The following LRRC37A2 variants were observed in gnomAD, a reference collection of about 807,000 sequenced individuals.
LRRC37A2 encodes the protein leucine rich repeat containing 37 member A2, also known as leucine-rich repeat-containing protein 37A2.
In LRRC37A2, 9 loss-of-function variants were observed where a neutral mutation model predicts 68.8. That is an observed-to-expected ratio of 0.13 (90% confidence interval 0.08 to 0.23). LRRC37A2 has a LOEUF of 0.23. Among genes scored for constraint, LRRC37A2 ranks in the 10% least tolerant of loss-of-function variants. The probability of loss-of-function intolerance (pLI) is 1.00; values close to 1 mark genes in which losing one functional copy is unlikely to be tolerated. For synonymous variants in LRRC37A2, 63 were observed against 367.6 expected (o/e 0.17, Z 9.48); for missense variants, 168 against 950.4 (o/e 0.18, Z 10.82).
At chr17:46,740,036 A>G in the LRRC37A2 span, among the ~76,000 whole-genome samples, 17 of 152,310 alleles carry the variant, frequency 1.1e-4, no homozygotes, top group South Asian at 2.1e-4. Context: ...TCAAAGTTTC[A>G]TAGGCCCTGG....
the LRRC37A2 span, among the ~76,000 whole-genome samples, chr17:46,779,428 C>T: frequency 6.6e-6 from 1 of 152,144 alleles, no homozygotes; most frequent in Admixed American, 6.5e-5. Context: ...AGCTCCTGGC[C>T]CGGCCCTTCC....
the LRRC37A2 span, chr17:46,922,683 G>C: frequency 6.3e-6 from 1 of 159,074 alleles, no homozygotes; most frequent in African/African-American, 2.4e-5. Context: ...AAATAGGAAT[G>C]GGGGGTAGAT....
the LRRC37A2 span, among the ~76,000 whole-genome samples, chr17:46,473,853 G>A: frequency 2.9e-4 from 28 of 97,118 alleles, 6 homozygotes; most frequent in African/African-American, 7.9e-4. Context: ...CTAAGATTGC[G>A]TCATTGCACT....
chr17:46,872,790 G>T, the LRRC37A2 span: 5 of 1,533,290 alleles, frequency 3.3e-6, no homozygotes, highest in South Asian at 2.3e-5. Flanking sequence ...AGGAGGGCTA[G>T]GGGACGGGGA....
chr17:46,951,755 G>T, the LRRC37A2 span, among the ~76,000 whole-genome samples: 1 of 152,138 alleles, frequency 6.6e-6, no homozygotes, highest in Non-Finnish European at 1.5e-5. Flanking sequence ...ATTTTCTGGG[G>T]CCCAGGTACA....
At chr17:47,019,530 C>G in the LRRC37A2 span, 2,486 of 1,514,656 alleles carry the variant, frequency 1.6e-3, 8 homozygotes, top group Non-Finnish European at 1.8e-3. Flanking sequence ...TCCAGATCAG[C>G]TTCAGACTCT....
At chr17:46,773,813 G>A in the LRRC37A2 span, 6 of 1,613,542 alleles carry the variant, frequency 3.7e-6, no homozygotes, top group Non-Finnish European at 4.2e-6. Context: ...TGTAATTGCG[G>A]CAGAAGCGCA....
the LRRC37A2 span, among the ~76,000 whole-genome samples, chr17:46,771,710 C>G: frequency 7.0e-6 from 1 of 143,316 alleles, no homozygotes; most frequent in Non-Finnish European, 1.6e-5. Flanking sequence ...GCCGCGCCCC[C>G]GGCCCCGGCG....
chr17:46,875,747 C>CT, the LRRC37A2 span, among the ~76,000 whole-genome samples: 422 of 152,328 alleles, frequency 2.8e-3, 2 homozygotes, highest in Admixed American at 4.8e-3. Context: ...TCTAGAGCAA[C>CT]TGCCCACTTC....
chr17:46,769,903 G>A, the LRRC37A2 span: 1 of 1,613,552 alleles, frequency 6.2e-7, no homozygotes. Flanking sequence ...CGCTGCAGCC[G>A]CCCCACTTCC....
chr17:46,957,913 G>T, the LRRC37A2 span, among the ~76,000 whole-genome samples: 1 of 152,212 alleles, frequency 6.6e-6, no homozygotes, highest in Non-Finnish European at 1.5e-5. Flanking sequence ...CTGCAGCAGG[G>T]ATCAGTGTGC....
chr17:46,842,811 G>A, the LRRC37A2 span, among the ~76,000 whole-genome samples: 1 of 152,344 alleles, frequency 6.6e-6, no homozygotes, highest in South Asian at 2.1e-4. Context: ...CAGAAGCTAT[G>A]AGAAAATCAG....
the LRRC37A2 span, among the ~76,000 whole-genome samples, chr17:46,823,575 G>A: frequency 6.6e-6 from 1 of 152,054 alleles, no homozygotes; most frequent in Non-Finnish European, 1.5e-5. Flanking sequence ...AAGTAGCTGG[G>A]ATTACAAGCA....
chr17:46,786,756 G>T, the LRRC37A2 span, among the ~76,000 whole-genome samples: 3 of 152,148 alleles, frequency 2.0e-5, no homozygotes, highest in Non-Finnish European at 4.4e-5. Flanking sequence ...TGGGGTCACA[G>T]CATTTCTGCC....
chr17:46,925,868 G>A, the LRRC37A2 span, among the ~76,000 whole-genome samples: 4 of 152,178 alleles, frequency 2.6e-5, no homozygotes, highest in African/African-American at 9.7e-5. Flanking sequence ...ATGAATGAAT[G>A]AAAACAATAA....
the LRRC37A2 span, among the ~76,000 whole-genome samples, chr17:46,717,878 A>G: frequency 6.6e-6 from 1 of 152,180 alleles, no homozygotes; most frequent in African/African-American, 2.4e-5. Flanking sequence ...ACCGAACTGG[A>G]GCAGCGTTCA....
the LRRC37A2 span, among the ~76,000 whole-genome samples, chr17:46,904,180 A>AGATGAATTAGTGGGGAGATGGGTGGG: frequency 8.0e-6 from 1 of 125,182 alleles, no homozygotes; most frequent in African/African-American, 3.5e-5. Flanking sequence ...AGATGGGTGG[A>AGATGAATTAGTGGGGAGATGGGTGGG]TGGGTGGCTG....
the LRRC37A2 span, among the ~76,000 whole-genome samples, chr17:46,925,493 C>G: frequency 1.3e-5 from 2 of 152,326 alleles, no homozygotes; most frequent in South Asian, 4.1e-4. Flanking sequence ...AGTGGGAGTT[C>G]TGGTTCTAGA....
At chr17:46,841,202 A>C in the LRRC37A2 span, among the ~76,000 whole-genome samples, 1 of 152,208 alleles carries the variant, frequency 6.6e-6, no homozygotes, top group Non-Finnish European at 1.5e-5. Flanking sequence ...ATTTCATTTA[A>C]TCTTCACAAC....
Sources: gnomAD v4.1 joint callset for allele counts (sites outside exome capture counted in the v4.1 genomes callset) on GRCh38, gnomAD v4.1.1 for gene constraint, MANE v1.5 for transcripts, NCBI Gene and HGNC (gene_info 2026-07-23, HGNC 2026-07-21) for gene names.